The following DDX1 variants were observed in gnomAD, a reference collection of about 807,000 sequenced individuals.
DDX1 encodes ATP-dependent RNA helicase DDX1.
A neutral mutation model predicts 108.7 loss-of-function variants in DDX1; 28 were observed. The observed-to-expected ratio is 0.26, with a 90% CI of 0.19 to 0.35. DDX1 has a LOEUF of 0.35. Among genes scored for constraint, DDX1 ranks in the 10% least tolerant of loss-of-function variants. The pLI is 1.00. For missense variants in DDX1, 710 were observed against 884.5 expected (o/e 0.80, Z 2.50); for synonymous variants, 295 against 288.9 (o/e 1.02, Z -0.21).
intron 13 of DDX1, among the ~76,000 whole-genome samples, chr2:15,608,705 C>A (rs1168283887): frequency 2.6e-5 from 3 of 116,188 alleles, no homozygotes; most frequent in Non-Finnish European, 5.0e-5. Context: ...CGCTATGTTG[C>A]CCAGGCTGAA....
At chr2:15,610,799 C>T (rs1030340519) in intron 13 of DDX1, among the ~76,000 whole-genome samples, 1 of 149,504 alleles carries the variant, frequency 6.7e-6, no homozygotes, top group Admixed American at 6.6e-5. Context: ...GACTTTACCG[C>T]ACTTCAGCAA....
At chr2:15,611,733 G>A (rs1456595958) in intron 13 of DDX1, among the ~76,000 whole-genome samples, 28 of 80,026 alleles carry the variant, frequency 3.5e-4, no homozygotes, top group East Asian at 5.5e-4. Flanking sequence ...CTGGCCGGGC[G>A]GGGGGCTGAC....
chr2:15,612,193 C>G (rs1265339387), intron 13 of DDX1, among the ~76,000 whole-genome samples: 10 of 151,448 alleles, frequency 6.6e-5, no homozygotes, highest in Admixed American at 5.9e-4. Flanking sequence ...GTGGGTGACC[C>G]CCACCTCCTT....
intron 6 of DDX1, 84 bp from the exon 7 acceptor site, chr2:15,602,464 T>G: frequency 1.1e-6 from 1 of 871,328 alleles, no homozygotes; most frequent in Admixed American, 2.0e-5. Flanking sequence ...GACTGAATGA[T>G]TTTTTTTGGT....
At chr2:15,599,903 CAT>C (rs1467472748) in intron 6 of DDX1, among the ~76,000 whole-genome samples, 187 bp downstream of exon 6, 1 of 152,112 alleles carries the variant, frequency 6.6e-6, no homozygotes, top group Non-Finnish European at 1.5e-5. Flanking sequence ...AATCTCAGCA[CAT>C]ATGAGAAGTT....
At chr2:15,594,827 A>G (rs1237609258) in intron 1 of DDX1, among the ~76,000 whole-genome samples, 1 of 152,224 alleles carries the variant, frequency 6.6e-6, no homozygotes, top group Non-Finnish European at 1.5e-5. Context: ...TTAGGTGACA[A>G]CCATGCTCCA....
At position 15,613,224 on chromosome 2, in the gene DDX1, G is replaced by T; in HGVS notation, c.957G>T (p.Arg319Ser). 1 of 1,587,954 alleles carries T rather than the reference G, an allele frequency of 6.3e-7. No individual in the cohort carries two copies. The highest frequency in any genetic ancestry group is 2.3e-5 in the East Asian group (1 of 44,382). The change falls in exon 14 of 26, where the codon AGG (arginine) becomes AGT (serine). Residue 319 changes from arginine to serine, a missense_variant and splice_region_variant. By Grantham distance (110) the Arg-to-Ser change is moderately radical (BLOSUM62 -1). Transcript: ENST00000233084. ...ATTATCATCTTGATATTTATTTCAG[G>T]GAGCTTCTGATAATTGGAGGTGTTG... Reference protein sequence around the residue: ...FKKYIDNPKLRELLIIGGVAA... With the variant: ...FKKYIDNPKLSELLIIGGVAA...
chr2:15,617,131 C>A, intron 14 of DDX1, 113 bp from the exon 15 acceptor site: 5 of 424,782 alleles, frequency 1.2e-5, no homozygotes, highest in Non-Finnish European at 1.3e-5. Flanking sequence ...TTAGAGTTGA[C>A]TGACTACTTC....
At chr2:15,624,814 G>T (rs1666072404) in intron 19 of DDX1, among the ~76,000 whole-genome samples, 1 of 152,148 alleles carries the variant, frequency 6.6e-6, no homozygotes, top group South Asian at 2.1e-4. Flanking sequence ...ACCGAATTTT[G>T]GCTGTGGAGC....
chr2:15,593,229 C>A (rs1039301582), intron 1 of DDX1, among the ~76,000 whole-genome samples: 1 of 152,158 alleles, frequency 6.6e-6, no homozygotes, highest in Non-Finnish European at 1.5e-5. Flanking sequence ...GTTACATCTT[C>A]TAATAGGATT....
chr2:15,602,731 C>A (rs531289682), intron 7 of DDX1, 100 bp downstream of exon 7: 2 of 905,316 alleles, frequency 2.2e-6, no homozygotes, highest in Non-Finnish European at 3.5e-6. Context: ...GATGGAGTCT[C>A]GCACGTCGCC....
At position 15,595,109 on chromosome 2, in the gene DDX1, GT is replaced by G. The variant is rs748587751; in HGVS notation, c.17-33del. 1.1e-5 allele frequency: 17 copies of G among 1,526,712 alleles called. No individual in the cohort carries two copies. In the Admixed American group the frequency reaches 2.9e-4, roughly 26 times the overall value. 94.6% of individuals were successfully genotyped at this position (1,526,712 alleles called of 1,614,324 possible). A position where few individuals can be genotyped will look rare whatever the true frequency, so the allele number is the denominator to read the frequency against. On this transcript the variant is annotated intron_variant, in intron 1 of 25. Coordinates refer to ENST00000233084, the MANE Select transcript of DDX1 (RefSeq NM_004939.3). ...GAGAGCAATGCAATTTATCATTTCAGTTTATGTGGTTTTTAAAATTAATTTT... is the reference window on the plus strand; with the variant it reads ...GAGAGCAATGCAATTTATCATTTCAGTTATGTGGTTTTTAAAATTAATTTT...
At chr2:15,600,607 C>T (rs1169802542) in intron 6 of DDX1, among the ~76,000 whole-genome samples, 1 of 152,062 alleles carries the variant, frequency 6.6e-6, no homozygotes, top group East Asian at 1.9e-4. Flanking sequence ...AAGCTGGTGA[C>T]CAAAGCTCAG....
intron 1 of DDX1, 137 bp downstream of exon 1, chr2:15,592,086 G>A (rs1665422717): frequency 1.2e-6 from 1 of 819,392 alleles, no homozygotes; most frequent in Non-Finnish European, 1.7e-6. Context: ...TGCAGTCCCT[G>A]ATGGACCCGC....
At chr2:15,621,735 C>G (rs1250878678) in intron 18 of DDX1, among the ~76,000 whole-genome samples, 1 of 152,016 alleles carries the variant, frequency 6.6e-6, no homozygotes, top group African/African-American at 2.4e-5. Flanking sequence ...TCACCACAAC[C>G]TCTGCCTCCC....
At chr2:15,601,108 G>A (rs1468887019) in intron 6 of DDX1, among the ~76,000 whole-genome samples, 1 of 152,038 alleles carries the variant, frequency 6.6e-6, no homozygotes, top group African/African-American at 2.4e-5. Flanking sequence ...AGAATATAGA[G>A]AAATAAATAA....
At chr2:15,624,487 T>C (rs1284093015) in intron 19 of DDX1, among the ~76,000 whole-genome samples, 1 of 152,168 alleles carries the variant, frequency 6.6e-6, no homozygotes, top group Non-Finnish European at 1.5e-5. Flanking sequence ...AACACGTCCT[T>C]CTTTACATGG....
At chr2:15,604,649 G>A (rs910592454) in intron 10 of DDX1, 140 bp downstream of exon 10, 1 of 633,062 alleles carries the variant, frequency 1.6e-6, no homozygotes, top group Non-Finnish European at 2.8e-6. Flanking sequence ...ATTGAGCATT[G>A]ACTATGTGTA....
intron 1 of DDX1, among the ~76,000 whole-genome samples, chr2:15,593,846 G>A (rs1408999000): frequency 1.3e-5 from 2 of 151,968 alleles, no homozygotes; most frequent in East Asian, 3.9e-4. Flanking sequence ...GGAGTCCAAG[G>A]TGGGCAGATC....
Sources: gnomAD v4.1 joint callset for allele counts (sites outside exome capture counted in the v4.1 genomes callset) on GRCh38, gnomAD v4.1.1 for gene constraint, MANE v1.5 for transcripts, NCBI Gene and HGNC (gene_info 2026-07-23, HGNC 2026-07-21) for gene names.